Variants in WDR59 observed in about 807,000 individuals in gnomAD.
WDR59 encodes GATOR2 complex protein WDR59.
Under a neutral mutation model 131.2 loss-of-function variants are expected in WDR59, and 100 were observed. The observed-to-expected ratio is 0.76, with a 90% CI of 0.65 to 0.90. The LOEUF is 0.90. Ranked by LOEUF, WDR59 falls within the 40% of genes least tolerant of loss-of-function variation. The pLI is 0.00. For missense variants in WDR59, 1,203 were observed against 1,262.2 expected, an observed-to-expected ratio of 0.95 and a Z score of 0.71; for synonymous variants, 601 against 466.2, an observed-to-expected ratio of 1.29 and a Z score of -3.72.
At chr16:74,943,268 T>C (rs1211085389) in intron 6 of WDR59, among the ~76,000 whole-genome samples, 1 of 150,268 alleles carries the variant, frequency 6.7e-6, no homozygotes. Flanking sequence ...TGTTGAGCAA[T>C]AGTCTTAGAA....
At chr16:74,969,610 C>T (rs192101989) in intron 1 of WDR59, among the ~76,000 whole-genome samples, 48 of 148,948 alleles carry the variant, frequency 3.2e-4, no homozygotes, top group Non-Finnish European at 6.0e-5. Context: ...GTTTCACTCT[C>T]GTTGCCCAGG....
intron 17 of WDR59, among the ~76,000 whole-genome samples, chr16:74,907,774 C>A (rs961314994): frequency 1.3e-5 from 2 of 152,164 alleles, no homozygotes; most frequent in African/African-American, 4.8e-5. Context: ...AAACAGGAAA[C>A]ATGGAGCACT....
chr16:74,901,651 TAA>T (rs200878105), intron 18 of WDR59, among the ~76,000 whole-genome samples: 583 of 135,798 alleles, frequency 4.3e-3, no homozygotes, highest in African/African-American at 0.015. Flanking sequence ...CCCCATCTCT[TAA>T]AAAAAAAAAA....
chr16:74,913,070 T>G (rs973244057), intron 13 of WDR59, among the ~76,000 whole-genome samples: 10 of 144,268 alleles, frequency 6.9e-5, no homozygotes, highest in African/African-American at 2.7e-4. Context: ...GGCTAGATTT[T>G]GGGGGGGGGG....
At chr16:74,981,629 T>TACATATATATATATATAC (rs1283747062) in intron 1 of WDR59, among the ~76,000 whole-genome samples, 1 of 2,648 alleles carries the variant, frequency 3.8e-4, no homozygotes, top group African/African-American at 8.1e-4. Context: ...TATATATATA[T>TACATATATATATATATAC]ATATATATAT....
chr16:74,946,172 A>AGTT (rs1366699630), intron 6 of WDR59, among the ~76,000 whole-genome samples: 3 of 152,140 alleles, frequency 2.0e-5, no homozygotes, highest in Non-Finnish European at 4.4e-5. Flanking sequence ...TATTATTATT[A>AGTT]GTTGTTGCTG....
intron 21 of WDR59, 82 bp from the exon 22 acceptor site, chr16:74,888,401 G>C: frequency 7.1e-7 from 1 of 1,408,440 alleles, no homozygotes; most frequent in Non-Finnish European, 9.6e-7. Flanking sequence ...GCGTGTTACT[G>C]CCACAGGGGT....
chr16:74,939,716 G>C (rs2032072495), intron 7 of WDR59, among the ~76,000 whole-genome samples: 1 of 152,064 alleles, frequency 6.6e-6, no homozygotes, highest in Admixed American at 6.6e-5. Context: ...AGGCTGGGTG[G>C]AGTGGCTCAC....
At chr16:74,889,261 C>T (rs779666012) in intron 21 of WDR59, among the ~76,000 whole-genome samples, 30 of 152,282 alleles carry the variant, frequency 2.0e-4, no homozygotes, top group South Asian at 1.4e-3. Context: ...ATAAACTGAA[C>T]GCAAAGGCAA....
At chr16:74,903,462 CAGAT>C (rs1269154434) in intron 18 of WDR59, among the ~76,000 whole-genome samples, 2 of 151,136 alleles carry the variant, frequency 1.3e-5, no homozygotes, top group Non-Finnish European at 2.9e-5. Flanking sequence ...CTGGTCCACT[CAGAT>C]AGGTATTTCC....
chr16:74,886,858 G>A (rs918238443), intron 23 of WDR59, among the ~76,000 whole-genome samples: 9 of 152,188 alleles, frequency 5.9e-5, no homozygotes, highest in Admixed American at 2.0e-4. Context: ...GGGAGGCAGA[G>A]GGGGCAGTGA....
chr16:74,891,344 C>T (rs139342890), intron 20 of WDR59, among the ~76,000 whole-genome samples: 8 of 152,224 alleles, frequency 5.3e-5, no homozygotes, highest in African/African-American at 9.6e-5. Flanking sequence ...AATTAAATCA[C>T]GTGGCACCAA....
At chr16:74,947,607 AAGAG>A (rs1334164259) in intron 6 of WDR59, among the ~76,000 whole-genome samples, 1 of 152,188 alleles carries the variant, frequency 6.6e-6, no homozygotes, top group African/African-American at 2.4e-5. Flanking sequence ...TAACTAAAAA[AAGAG>A]AGAGAGACTA....
intron 20 of WDR59, among the ~76,000 whole-genome samples, chr16:74,891,420 A>T (rs1965038648): frequency 6.6e-6 from 1 of 152,240 alleles, no homozygotes; most frequent in Non-Finnish European, 1.5e-5. Flanking sequence ...ATTCATCTCT[A>T]TAATCAATAA....
chr16:74,919,089 T>C (rs1460580778), intron 10 of WDR59, among the ~76,000 whole-genome samples: 1 of 152,104 alleles, frequency 6.6e-6, no homozygotes, highest in Non-Finnish European at 1.5e-5. Flanking sequence ...TGTTATAAAT[T>C]AACTCAACCC....
At position 74,892,468 on chromosome 16, in the gene WDR59, A is replaced by T; in HGVS notation, c.2082+16T>A. ...GAAGAAAAATCCAAATCTCCACCAA[A>T]AGGGATGGACAATACCTGGACAAGA... is the stretch of plus-strand genomic sequence containing the variant. On this transcript the variant is annotated intron_variant, in intron 20 of 25. Transcript: ENST00000262144. The T allele has an allele frequency of 6.2e-7, 1 of 1,605,740 alleles. No individual in the cohort carries two copies. The highest frequency in any genetic ancestry group is 1.1e-5 in the South Asian group (1 of 89,944).
At chr16:74,919,050 C>T (rs1017083121) in intron 10 of WDR59, among the ~76,000 whole-genome samples, 5 of 152,126 alleles carry the variant, frequency 3.3e-5, no homozygotes, top group African/African-American at 9.7e-5. Flanking sequence ...CTGACTTTGA[C>T]GAAAAGGTAT....
In WDR59 at chr16:74,871,882, G is replaced by C. The variant is rs1005971634; in HGVS notation, c.*2327C>G. 6.6e-6 allele frequency: 1 copy of C among 152,256 alleles called. No homozygotes were observed. The highest frequency in any genetic ancestry group is 6.5e-5 in the Admixed American group (1 of 15,284). The allele number at this position is 152,256 out of a possible 1,614,324, so 9.4% of individuals were successfully genotyped here. The stretch of plus-strand genomic sequence containing the variant: ...ACTGAGACACTGGCACCTTACCTCA[G>C]ACCAGAGCCCAGCACTAAACCTCTG... On this transcript the variant is annotated 3_prime_UTR_variant, in exon 26 of 26. Coordinates refer to ENST00000262144, the MANE Select transcript of WDR59 (RefSeq NM_030581.4).
chr16:74,919,671 C>A (rs945999625), intron 10 of WDR59, among the ~76,000 whole-genome samples: 4 of 152,040 alleles, frequency 2.6e-5, no homozygotes, highest in African/African-American at 9.7e-5. Context: ...GATTATATGG[C>A]TTCCTATTTG....
Sources: gnomAD v4.1 joint callset for allele counts (sites outside exome capture counted in the v4.1 genomes callset) on GRCh38, gnomAD v4.1.1 for gene constraint, MANE v1.5 for transcripts, NCBI Gene and HGNC (gene_info 2026-07-23, HGNC 2026-07-21) for gene names.